DLG2: variants seen among roughly 807,000 people sequenced by gnomAD.
The protein encoded by DLG2 is disks large homolog 2.
DLG2 carries 45 observed loss-of-function variants against 132.5 expected under a neutral mutation model. That is an observed-to-expected ratio of 0.34 (90% CI 0.27 to 0.44). The LOEUF (loss-of-function observed/expected upper bound fraction) is 0.44, where lower values mean the gene tolerates loss of function less well. Ranked by LOEUF, DLG2 falls within the 20% of genes least tolerant of loss-of-function variation. The pLI is 1.00. For missense variants in DLG2, 1,045 were observed against 1,196.9 expected, an observed-to-expected ratio of 0.87 and a Z score of 1.87; for synonymous variants, 424 against 419.6, an observed-to-expected ratio of 1.01 and a Z score of -0.13.
chr11:83,694,420 A>G (rs1250044404), intron 18 of DLG2, among the ~76,000 whole-genome samples: 6 of 152,192 alleles, frequency 3.9e-5, no homozygotes, highest in Non-Finnish European at 5.9e-5. Context: ...CCTGAACATG[A>G]TTCACAGTCA....
chr11:84,707,497 A>T (rs1240587055), intron 6 of DLG2, among the ~76,000 whole-genome samples: 1 of 151,730 alleles, frequency 6.6e-6, no homozygotes, highest in Non-Finnish European at 1.5e-5. Context: ...TCTGAAGTGG[A>T]ATGGAAAAGA....
intron 7 of DLG2, among the ~76,000 whole-genome samples, chr11:84,439,231 C>T (rs1376998498): frequency 2.0e-5 from 3 of 152,134 alleles, no homozygotes; most frequent in East Asian, 1.9e-4. Context: ...TCTCTGGGTT[C>T]GATGTGCCTC....
intron 6 of DLG2, among the ~76,000 whole-genome samples, chr11:84,942,386 T>C (rs2049559354): frequency 6.6e-6 from 1 of 152,162 alleles, no homozygotes; most frequent in South Asian, 2.1e-4. Flanking sequence ...CCTTTTAGTA[T>C]TGCCTTCAGT....
intron 7 of DLG2, among the ~76,000 whole-genome samples, chr11:84,460,354 T>C (rs2099077147): frequency 6.6e-6 from 1 of 150,626 alleles, no homozygotes; most frequent in African/African-American, 2.4e-5. Flanking sequence ...TATTACTTCA[T>C]CAAGTGAAGT....
At chr11:83,786,855 A>G in intron 17 of DLG2, 63 bp from the exon 18 acceptor site, 1 of 1,484,406 alleles carries the variant, frequency 6.7e-7, no homozygotes, top group Non-Finnish European at 9.3e-7. Flanking sequence ...GATAGAAGAA[A>G]AAAGTTTCCC....
intron 6 of DLG2, among the ~76,000 whole-genome samples, chr11:84,623,274 T>G (rs1169092473): frequency 6.6e-6 from 1 of 152,130 alleles, no homozygotes; most frequent in Non-Finnish European, 1.5e-5. Flanking sequence ...CCACCTTTTT[T>G]CAAGAGGGAA....
intron 5 of DLG2, among the ~76,000 whole-genome samples, chr11:85,126,498 T>C (rs1566902243): frequency 6.6e-6 from 1 of 152,326 alleles, no homozygotes; most frequent in East Asian, 1.9e-4. Context: ...TCCCAGGTTA[T>C]TAAGACAGTC....
At chr11:83,789,970 T>C (rs1270023624) in intron 17 of DLG2, 9 of 1,340,770 alleles carry the variant, frequency 6.7e-6, no homozygotes, top group African/African-American at 1.5e-5. Context: ...TCTCAGTCTT[T>C]CAGTAGTGCT....
At chr11:85,609,624 C>A (rs906573011) in intron 2 of DLG2, among the ~76,000 whole-genome samples, 1 of 152,232 alleles carries the variant, frequency 6.6e-6, no homozygotes, top group Non-Finnish European at 1.5e-5. Context: ...TGCACTGCCA[C>A]AGAGTGCAGA....
intron 21 of DLG2, among the ~76,000 whole-genome samples, chr11:83,520,563 CT>C (rs1278966173): frequency 6.6e-6 from 1 of 151,868 alleles, no homozygotes; most frequent in Non-Finnish European, 1.5e-5. Context: ...AGATAGCTAA[CT>C]AGCTAGGTAG....
intron 18 of DLG2, among the ~76,000 whole-genome samples, chr11:83,709,182 G>A (rs1005339168): frequency 1.3e-5 from 2 of 151,146 alleles, no homozygotes; most frequent in African/African-American, 4.9e-5. Context: ...CTTTTTGAGA[G>A]GAAAAAAATA....
intron 11 of DLG2, among the ~76,000 whole-genome samples, chr11:83,992,321 G>GT (rs1484776706): frequency 1.3e-5 from 2 of 152,072 alleles, no homozygotes; most frequent in African/African-American, 4.8e-5. Context: ...ATGCAGTGTG[G>GT]TAAGTGCTGC....
chr11:84,183,717 C>T (rs1231399043), intron 8 of DLG2, among the ~76,000 whole-genome samples: 1 of 152,042 alleles, frequency 6.6e-6, no homozygotes, highest in African/African-American at 2.4e-5. Flanking sequence ...TAATGCTATC[C>T]CTCCCCACTC....
intron 4 of DLG2, among the ~76,000 whole-genome samples, chr11:85,226,851 T>C (rs1356425441): frequency 6.6e-6 from 1 of 152,148 alleles, no homozygotes; most frequent in Non-Finnish European, 1.5e-5. Context: ...GCTTACCCCA[T>C]AGATTGTTCA....
chr11:85,331,641 C>A (rs182593786), intron 3 of DLG2, among the ~76,000 whole-genome samples: 1 of 152,242 alleles, frequency 6.6e-6, no homozygotes, highest in East Asian at 1.9e-4. Flanking sequence ...AAGTAGTAGG[C>A]CCCGGTGGCT....
chr11:85,368,597 C>T lies in DLG2; in HGVS notation c.41-83232G>A, dbSNP rs571732045. On this transcript the variant is annotated intron_variant, in intron 3 of 27. Transcript: ENST00000376104. Reference sequence around the variant, plus strand: ...TTCTCTTGTCTTCTAGAGTATAGAACGAGGTGTACTACCCAGATCTCCCAA... The same window carrying T: ...TTCTCTTGTCTTCTAGAGTATAGAATGAGGTGTACTACCCAGATCTCCCAA... Among the ~76,000 whole-genome samples the T allele has an allele frequency of 1.1e-3, 161 of 152,320 alleles. 1 individual carries two copies. Among genetic ancestry groups the T allele is most frequent in the African/African-American group, 3.4e-3 (143 of 41,570 alleles).
chr11:85,152,670 C>T (rs1371919177), intron 5 of DLG2, among the ~76,000 whole-genome samples: 1 of 152,222 alleles, frequency 6.6e-6, no homozygotes, highest in Admixed American at 6.5e-5. Flanking sequence ...GTCTAAGTGA[C>T]TTGCCCAAGA....
intron 21 of DLG2, among the ~76,000 whole-genome samples, chr11:83,525,939 G>A (rs1164467555): frequency 6.6e-6 from 1 of 151,588 alleles, no homozygotes; most frequent in African/African-American, 2.4e-5. Flanking sequence ...CACAATAGTA[G>A]GCTCTGCTAC....
intron 10 of DLG2, among the ~76,000 whole-genome samples, chr11:84,075,230 T>C (rs1017144552): frequency 6.6e-6 from 1 of 152,230 alleles, no homozygotes; most frequent in African/African-American, 2.4e-5. Flanking sequence ...CTCTGCTTCA[T>C]TTTCTGCATA....
Sources: allele counts gnomAD v4.1 joint callset (sites outside exome capture counted in the v4.1 genomes callset), GRCh38; gene constraint gnomAD v4.1.1; transcripts MANE v1.5; gene names NCBI Gene and HGNC (gene_info 2026-07-23, HGNC 2026-07-21).